Variants in KIAA1217 observed in about 807,000 individuals in gnomAD.
KIAA1217 encodes the protein sickle tail protein homolog.
KIAA1217 carries 88 observed loss-of-function variants against 163.9 expected under a neutral mutation model. The observed-to-expected ratio is 0.54, with a 90% CI of 0.45 to 0.64. The LOEUF (loss-of-function observed/expected upper bound fraction) is 0.64. Among genes scored for constraint, KIAA1217 ranks in the 30% least tolerant of loss-of-function variants. The pLI, the probability that KIAA1217 is intolerant of heterozygous loss-of-function variation, is 0.00. For missense variants in KIAA1217, 2,372 were observed against 2,475.0 expected, an observed-to-expected ratio of 0.96 and a Z score of 0.88; for synonymous variants, 903 against 923.1, an observed-to-expected ratio of 0.98 and a Z score of 0.39.
At chr10:23,972,887 C>T (rs959713570) in intron 1 of KIAA1217, among the ~76,000 whole-genome samples, 1 of 151,996 alleles carries the variant, frequency 6.6e-6, no homozygotes, top group Non-Finnish European at 1.5e-5. Context: ...TGTTCTCACT[C>T]ATAAGTGGGA....
At chr10:24,339,874 A>G (rs373661779) in intron 2 of KIAA1217, among the ~76,000 whole-genome samples, 49 of 152,328 alleles carry the variant, frequency 3.2e-4, no homozygotes, top group African/African-American at 1.2e-3. Flanking sequence ...GTCTCCCAAA[A>G]CAGATTCTCC....
At chr10:24,417,222 A>G (rs1591759825) in intron 3 of KIAA1217, among the ~76,000 whole-genome samples, 1 of 152,132 alleles carries the variant, frequency 6.6e-6, no homozygotes, top group East Asian at 1.9e-4. Flanking sequence ...TCCCCCTCAG[A>G]TACCTAAGAA....
At chr10:23,900,673 A>G (rs1841919043) in intron 1 of KIAA1217, among the ~76,000 whole-genome samples, 1 of 152,096 alleles carries the variant, frequency 6.6e-6, no homozygotes, top group Non-Finnish European at 1.5e-5. Context: ...AGCTCCCTGA[A>G]GATAGGAGAA....
chr10:24,055,910 G>T (rs1308523029), intron 2 of KIAA1217, among the ~76,000 whole-genome samples: 1 of 151,442 alleles, frequency 6.6e-6, no homozygotes, highest in African/African-American at 2.4e-5. Flanking sequence ...CATAATAGAT[G>T]TTCAGAGAAT....
At chr10:24,240,240 G>C (rs1448682645) in intron 2 of KIAA1217, among the ~76,000 whole-genome samples, 2 of 152,144 alleles carry the variant, frequency 1.3e-5, no homozygotes, top group Non-Finnish European at 2.9e-5. Flanking sequence ...GTTCCACCAA[G>C]CTTAAAAAGA....
chr10:24,484,877 T>C (rs548893544), intron 6 of KIAA1217, among the ~76,000 whole-genome samples: 4 of 152,300 alleles, frequency 2.6e-5, no homozygotes. Context: ...GTTGTGTCCT[T>C]ATTCCTGACT....
chr10:24,072,457 G>T (rs1474577091), intron 2 of KIAA1217, among the ~76,000 whole-genome samples: 1 of 152,162 alleles, frequency 6.6e-6, no homozygotes, highest in East Asian at 1.9e-4. Flanking sequence ...AGTTTGTCCT[G>T]CATGTATTAG....
chr10:24,430,193 G>C (rs937063201), intron 3 of KIAA1217, among the ~76,000 whole-genome samples: 1 of 152,184 alleles, frequency 6.6e-6, no homozygotes, highest in Non-Finnish European at 1.5e-5. Context: ...GGGTCATTCA[G>C]CATTCCTAGA....
intron 6 of KIAA1217, among the ~76,000 whole-genome samples, chr10:24,478,922 C>T (rs531473216): frequency 4.6e-5 from 7 of 152,138 alleles, no homozygotes; most frequent in Admixed American, 6.5e-5. Context: ...ACCTTGCCTT[C>T]GAAATATGTA....
chr10:24,091,859 G>T (rs966547459), intron 2 of KIAA1217, among the ~76,000 whole-genome samples: 4 of 151,722 alleles, frequency 2.6e-5, no homozygotes, highest in African/African-American at 9.7e-5. Context: ...AGACAGTCTG[G>T]TTGGGGCCAA....
intron 1 of KIAA1217, among the ~76,000 whole-genome samples, chr10:23,836,690 C>T (rs1042347269): frequency 1.1e-4 from 17 of 151,530 alleles, no homozygotes; most frequent in Non-Finnish European, 1.8e-4. Context: ...TTTGGGAAGC[C>T]GAGGCGGGAG....
intron 1 of KIAA1217, among the ~76,000 whole-genome samples, chr10:23,978,107 T>G (rs1303240752): frequency 6.6e-6 from 1 of 152,200 alleles, no homozygotes; most frequent in African/African-American, 2.4e-5. Flanking sequence ...ATAAGGGAGT[T>G]GGGTGACACA....
chr10:23,970,263 T>G (rs191334062), intron 1 of KIAA1217, among the ~76,000 whole-genome samples: 1 of 152,374 alleles, frequency 6.6e-6, no homozygotes, highest in East Asian at 1.9e-4. Context: ...TAGTTTTAGC[T>G]CTTACATTTA....
chr10:24,278,854 C>CTTTTTTTTTTT (rs11288814), intron 2 of KIAA1217, among the ~76,000 whole-genome samples: 1 of 140,844 alleles, frequency 7.1e-6, no homozygotes, highest in Non-Finnish European at 1.5e-5. Flanking sequence ...ACTCAGATTA[C>CTTTTTTTTTTT]TTTTTTTTTT....
rs187097135 is a variant in KIAA1217, at chr10:24,095,116, G to A, written c.-171+87742G>A. Among the ~76,000 whole-genome samples the A allele has an allele frequency of 2.7e-3, 415 of 152,282 alleles. 2 individuals are homozygous for A. The highest frequency in any genetic ancestry group is 9.1e-3 in the African/African-American group (379 of 41,562). ...CGCAGTATTCACGTGGGAGTGGCCCGATTTTCCAGGTGCCATCTGTCACCC... is the reference window on the plus strand; with the variant it reads ...CGCAGTATTCACGTGGGAGTGGCCCAATTTTCCAGGTGCCATCTGTCACCC... On this transcript the variant is annotated intron_variant, in intron 2 of 18. Transcript: ENST00000376462.
At chr10:24,276,825 G>C (rs1231608035) in intron 2 of KIAA1217, among the ~76,000 whole-genome samples, 6 of 151,852 alleles carry the variant, frequency 4.0e-5, no homozygotes, top group Non-Finnish European at 8.8e-5. Flanking sequence ...GGCCAGGCTG[G>C]TCTGGAACTC....
At chr10:23,794,051 A>AT (rs1836085786) in intron 1 of KIAA1217, among the ~76,000 whole-genome samples, 1 of 152,200 alleles carries the variant, frequency 6.6e-6, no homozygotes, top group African/African-American at 2.4e-5. Flanking sequence ...ATATCCTTTA[A>AT]CATCGTAAGA....
intron 2 of KIAA1217, among the ~76,000 whole-genome samples, chr10:24,070,712 T>C (rs2061154577): frequency 6.6e-6 from 1 of 152,222 alleles, no homozygotes; most frequent in Non-Finnish European, 1.5e-5. Flanking sequence ...ATATTAGTGG[T>C]AATTTGTTCA....
intron 1 of KIAA1217, among the ~76,000 whole-genome samples, chr10:23,770,958 T>C (rs1301514444): frequency 6.6e-6 from 1 of 152,178 alleles, no homozygotes; most frequent in East Asian, 1.9e-4. Context: ...TAGCGTGTTA[T>C]CAACCCAACA....
Sources: allele counts gnomAD v4.1 joint callset (sites outside exome capture counted in the v4.1 genomes callset), GRCh38; gene constraint gnomAD v4.1.1; transcripts MANE v1.5; gene names NCBI Gene and HGNC (gene_info 2026-07-23, HGNC 2026-07-21).